ACAP1: variants seen among roughly 807,000 people sequenced by gnomAD.
ACAP1 encodes the protein arf-GAP with coiled-coil, ANK repeat and PH domain-containing protein 1.
ACAP1 carries 45 observed loss-of-function variants against 98.8 expected under a neutral mutation model. The observed-to-expected ratio is 0.46, with a 90% confidence interval of 0.36 to 0.58. The LOEUF is 0.58. Among genes scored for constraint, ACAP1 ranks in the 20% least tolerant of loss-of-function variants. ACAP1 has a pLI of 0.00. For synonymous variants in ACAP1, 362 were observed against 375.3 expected, an observed-to-expected ratio of 0.96 and a Z score of 0.41; for missense variants, 735 against 971.4, an observed-to-expected ratio of 0.76 and a Z score of 3.24.
rs919372742 is a variant in ACAP1 at position 7,350,324 on chromosome 17, C to T, written c.2072+87C>T. The stretch of plus-strand genomic sequence containing the variant: ...TTCGGGCGGGCGGGCGGGGCTGACG[C>T]CGAAACAGAAGCCTGTGCTGTGGGG... On this transcript the variant is annotated intron_variant, in intron 20 of 21. Transcript: ENST00000158762. This position sits in a 1 kb window ranked among gnomAD's most constrained non-coding sequence, Gnocchi z 4.6. 25 of 1,101,728 alleles carry T rather than the reference C, an allele frequency of 2.3e-5. No individual in the cohort carries two copies. The highest frequency in any genetic ancestry group is 3.0e-4 in the Middle Eastern group (1 of 3,310). 68.2% of individuals were successfully genotyped at this position (1,101,728 alleles called of 1,614,324 possible).
Position 7,344,232 on chromosome 17 carries a change from T to G in ACAP1, c.744+109T>G, listed in dbSNP as rs1449773576. ...TTCAAGATTAGCCTAGGCATCGTAG[T>G]GAAACTCCATCTCTACAGAAAATTT... On this transcript the variant is annotated intron_variant, in intron 9 of 21. Transcript: ENST00000158762. This position sits in a 1 kb window ranked among gnomAD's most constrained non-coding sequence, Gnocchi z 4.9. 8 of 1,236,038 alleles carry G rather than the reference T, an allele frequency of 6.5e-6. No individual in the cohort carries two copies. The highest frequency in any genetic ancestry group is 9.1e-6 in the Non-Finnish European group (8 of 875,478). The allele number at this position is 1,236,038 out of a possible 1,614,324, so 76.6% of individuals were successfully genotyped here. A position where few individuals can be genotyped will look rare whatever the true frequency, so the allele number is the denominator to read the frequency against.
At position 7,346,795 on chromosome 17, in the gene ACAP1, C is replaced by T. The variant is rs181797675; in HGVS notation, c.1008-13C>T. The T allele has an allele frequency of 6.2e-7, 1 of 1,607,966 alleles. No homozygotes were observed. Among genetic ancestry groups the T allele is most frequent in the African/African-American group, 1.3e-5 (1 of 74,770 alleles). On this transcript the variant is annotated splice_polypyrimidine_tract_variant and intron_variant, in intron 12 of 21. Coordinates refer to ENST00000158762, the MANE Select transcript of ACAP1 (RefSeq NM_014716.4). ...TCAGACCCCTCTGCCATCTCCCTCA[C>T]CCTCCTACCTAGGTCCTGCCTCCTC...
intron 1 of ACAP1, 88 bp downstream of exon 1, chr17:7,336,875 C>A: frequency 1.4e-6 from 2 of 1,460,276 alleles, no homozygotes; most frequent in East Asian, 2.3e-5. Flanking sequence ...AGGTCTCCTT[C>A]CAGGGAGCAG....
chr17:7,344,140 G>A lies in ACAP1; in HGVS notation c.744+17G>A, dbSNP rs944485376. 76 of 1,557,468 alleles carry A rather than the reference G, an allele frequency of 4.9e-5. No homozygotes were observed. In the Admixed American group the frequency reaches 5.2e-4, roughly 11 times the overall value. ...AAACAGAAGGTGAGGGGCCAGGTGC[G>A]GTGGCCCACGACCGTCATCCCAACA... On this transcript the variant is annotated intron_variant, in intron 9 of 21. Transcript: ENST00000158762. This position sits in a 1 kb window ranked among gnomAD's most constrained non-coding sequence, Gnocchi z 4.9.
At chr17:7,337,182 G>C in intron 1 of ACAP1, 130 bp from the exon 2 acceptor site, 1 of 826,296 alleles carries the variant, frequency 1.2e-6, no homozygotes, top group East Asian at 2.4e-5. Context: ...CAAGTAGGTG[G>C]GTGGGGGGCG....
At chr17:7,339,183 A>G (rs972204140) in intron 2 of ACAP1, among the ~76,000 whole-genome samples, 1 of 152,052 alleles carries the variant, frequency 6.6e-6, no homozygotes, top group Non-Finnish European at 1.5e-5. Flanking sequence ...CCAGCTACTC[A>G]GGAGGCTGAG....
intron 2 of ACAP1, among the ~76,000 whole-genome samples, chr17:7,341,570 T>G (rs2073278791): frequency 1.3e-5 from 2 of 152,142 alleles, no homozygotes; most frequent in African/African-American, 4.8e-5. Flanking sequence ...AGCAACCAGG[T>G]AGAGCATCCA....
At chr17:7,341,273 C>T (rs188032600) in intron 2 of ACAP1, among the ~76,000 whole-genome samples, 4 of 152,326 alleles carry the variant, frequency 2.6e-5, no homozygotes, top group East Asian at 1.9e-4. Context: ...GCCTTAGCCC[C>T]CCAGGTAACT....
intron 15 of ACAP1, 40 bp from the exon 16 acceptor site, chr17:7,348,087 C>T (rs1360731631): frequency 6.2e-7 from 1 of 1,612,192 alleles, no homozygotes; most frequent in South Asian, 1.1e-5. Flanking sequence ...TCACTCACCC[C>T]CACCTTCCCT....
chr17:7,347,867 C>G, intron 14 of ACAP1, 55 bp from the exon 15 acceptor site: 1 of 1,486,082 alleles, frequency 6.7e-7, no homozygotes, highest in Non-Finnish European at 9.4e-7. Context: ...AGCAGCAGCT[C>G]CCCAGGCCAC....
intron 14 of ACAP1, chr17:7,347,546 G>A (rs2073358777): frequency 2.0e-6 from 1 of 512,062 alleles, no homozygotes; most frequent in Non-Finnish European, 3.5e-6. Flanking sequence ...AGACTAGGCA[G>A]AGAAACGGTC....
chr17:7,346,213 C>T (rs1303493844), intron 10 of ACAP1, 31 bp from the exon 11 acceptor site: 4 of 1,610,298 alleles, frequency 2.5e-6, no homozygotes, highest in African/African-American at 2.7e-5. Flanking sequence ...CTAAAGCTGC[C>T]TATGTCTGTA....
At chr17:7,338,910 C>T (rs1161339631) in intron 2 of ACAP1, among the ~76,000 whole-genome samples, 1 of 151,956 alleles carries the variant, frequency 6.6e-6, no homozygotes, top group Non-Finnish European at 1.5e-5. Context: ...CTCATGTACC[C>T]ATCACCCAGC....
rs34612593 is a variant in ACAP1 at position 7,348,996 on chromosome 17, GC to G, written c.1686del (p.Ser563LeufsTer49). On this transcript the variant is annotated frameshift_variant and splice_region_variant, in exon 18 of 22. Transcript: ENST00000158762. LOFTEE classifies it high-confidence loss of function. ...RPGSLRSKPEPPSEDLGSLHP... is the reference protein window; with the variant it reads ...RPGSLRSKPEXPSEDLGSLHP... ...AACAGAACCAAATCCCCCGAACAGA[GC>G]CCCCCTCTGAGGACCTGGGAAGCCT... 3.7e-6 allele frequency: 6 copies of G among 1,612,476 alleles called. No homozygotes were observed. The highest frequency in any genetic ancestry group is 5.1e-6 in the Non-Finnish European group (6 of 1,179,724).
In ACAP1 at chr17:7,350,301, C is replaced by A; in HGVS notation, c.2072+64C>A. The stretch of plus-strand genomic sequence containing the variant: ...CCCCCCACCCCCGCCCACCCACGTT[C>A]GGGCGGGCGGGCGGGGCTGACGCCG... On this transcript the variant is annotated intron_variant, in intron 20 of 21. Transcript: ENST00000158762. The surrounding 1 kb of genome is among the most constrained non-coding windows in gnomAD (Gnocchi z 4.6). The A allele has an allele frequency of 9.9e-7, 1 of 1,006,162 alleles. No individual in the cohort carries two copies. The highest frequency in any genetic ancestry group is 1.4e-6 in the Non-Finnish European group (1 of 691,380). The allele number at this position is 1,006,162 out of a possible 1,614,324, so 62.3% of individuals were successfully genotyped here.
In ACAP1 at chr17:7,348,398, G is replaced by A; in HGVS notation, c.1601G>A (p.Gly534Glu). The A allele has an allele frequency of 6.4e-7, 1 of 1,551,044 alleles. No individual in the cohort carries two copies. The change falls in exon 17 of 22, where the codon GGG becomes GAG. Residue 534 changes from glycine to glutamate, a missense_variant. Physicochemically the swap from Gly to Glu is moderately conservative, Grantham distance 98. This residue lies in a region of ACAP1 where 80 missense variants were observed against 64.4 expected (regional missense o/e 1.24). Transcript: ENST00000158762. Reference protein sequence around the residue: ...PEIRGRRGGRGRPRGQPPVPP... With the variant: ...PEIRGRRGGRERPRGQPPVPP... Reference sequence around the variant, plus strand: ...ATTCGAGGGCGAAGAGGTGGCCGGGGGCGCCCAAGGGGGCAGCCTCCTGTG... The same window carrying A: ...ATTCGAGGGCGAAGAGGTGGCCGGGAGCGCCCAAGGGGGCAGCCTCCTGTG...
Position 7,343,675 on chromosome 17 carries a change from G to A in ACAP1, c.529-31G>A. 1.2e-6 allele frequency: 2 copies of A among 1,610,422 alleles called. No individual in the cohort carries two copies. The highest frequency in any genetic ancestry group is 1.7e-6 in the Non-Finnish European group (2 of 1,177,664). ...GTGCTGTGTCTTCAAGACTGATCTG[G>A]GGTTTTTTACGTCCTCTTTTACGTC... On this transcript the variant is annotated intron_variant, in intron 6 of 21. Transcript: ENST00000158762. This position sits in a 1 kb window ranked among gnomAD's most constrained non-coding sequence, Gnocchi z 4.9.
intron 10 of ACAP1, 47 bp from the exon 11 acceptor site, chr17:7,346,197 C>A: frequency 6.3e-7 from 1 of 1,589,556 alleles, no homozygotes; most frequent in Non-Finnish European, 8.6e-7. Flanking sequence ...TCTTCCGTCC[C>A]TCATCCTAAA....
chr17:7,343,482 C>G lies in ACAP1; in HGVS notation c.448C>G (p.Gln150Glu). ...HNAEVPRRRA[Q>E]EAEEAGAALR... ...CGCAGAGGTTCCCAGGCGCCGGGCC[C>G]AGGAGGCAGAAGAGGCAGGAGCTGC... is the stretch of plus-strand genomic sequence containing the variant. Residue 150 changes from glutamine (Q) to glutamate (E), a missense_variant, in exon 6 of 22, where the codon CAG (glutamine) becomes GAG (glutamate). Transcript: ENST00000158762. This position sits in a 1 kb window ranked among gnomAD's most constrained non-coding sequence, Gnocchi z 4.9. 1 of 1,614,118 alleles carries G rather than the reference C, an allele frequency of 6.2e-7. No individual in the cohort carries two copies. The highest frequency in any genetic ancestry group is 1.1e-5 in the South Asian group (1 of 91,084).
Sources: gnomAD v4.1 joint callset for allele counts (sites outside exome capture counted in the v4.1 genomes callset) on GRCh38, gnomAD v4.1.1 for gene constraint, gnomAD v4.1.1 regional missense constraint, Gnocchi (gnomAD v3.1) non-coding constraint, MANE v1.5 for transcripts, NCBI Gene and HGNC (gene_info 2026-07-23, HGNC 2026-07-21) for gene names.